Variants in TRAP1 observed in about 807,000 individuals in gnomAD.
TRAP1 encodes the protein TNF receptor associated protein 1, also known as heat shock protein 75 kDa, mitochondrial.
A neutral mutation model predicts 89.1 loss-of-function variants in TRAP1; 102 were observed. That is an observed-to-expected ratio of 1.15 (90% CI 0.98 to 1.35). TRAP1 has a LOEUF of 1.35. TRAP1 is among the 40% of genes most tolerant of loss of function. The probability of loss-of-function intolerance (pLI) is 0.00; values close to 1 mark genes in which losing one functional copy is unlikely to be tolerated. For missense variants in TRAP1, 1,256 were observed against 945.3 expected (o/e 1.33, Z -4.31); for synonymous variants, 508 against 388.0 (o/e 1.31, Z -3.64).
At position 3,698,736 on chromosome 16, in the gene TRAP1, A is replaced by G. The variant is rs568394879; in HGVS notation, c.89-7751T>C. On this transcript the variant is annotated intron_variant, in intron 1 of 17. Coordinates refer to ENST00000246957, the MANE Select transcript of TRAP1 (RefSeq NM_016292.3). ...AGCCTGGGTAACATGGCAAAACCCCATCTCTACAAAAAAACAGCCAGGTGT... is the reference window on the plus strand; with the variant it reads ...AGCCTGGGTAACATGGCAAAACCCCGTCTCTACAAAAAAACAGCCAGGTGT... 6.6e-5 allele frequency among the ~76,000 whole-genome samples: 10 copies of G among 152,162 alleles called. No homozygotes were observed. In the South Asian group the frequency reaches 1.0e-3, roughly 16 times the overall value.
In TRAP1 at chr16:3,671,797, A is replaced by C. The variant is rs1410931933; in HGVS notation, c.1166-6T>G. On this transcript the variant is annotated splice_region_variant and splice_polypyrimidine_tract_variant and intron_variant, in intron 10 of 17. Coordinates refer to ENST00000246957, the MANE Select transcript of TRAP1 (RefSeq NM_016292.3). ...GTCCTCACTGTCCACCACACCTGGGAGACACGGCAGTCAGCTTCTCCCGGG... is the reference window on the plus strand; with the variant it reads ...GTCCTCACTGTCCACCACACCTGGGCGACACGGCAGTCAGCTTCTCCCGGG... The C allele has an allele frequency of 9.9e-6, 16 of 1,611,388 alleles. No homozygotes were observed. The highest frequency in any genetic ancestry group is 1.3e-5 in the Non-Finnish European group (15 of 1,179,940).
Position 3,708,847 on chromosome 16 carries a change from G to C in TRAP1, c.88+8574C>G, listed in dbSNP as rs563305459. 2.1e-5 allele frequency among the ~76,000 whole-genome samples: 3 copies of C among 140,202 alleles called. No individual in the cohort carries two copies. The Admixed American group carries it at 2.2e-4, about 10-fold the overall frequency. 92.0% of individuals were successfully genotyped at this position (140,202 alleles called of 152,430 possible). On this transcript the variant is annotated intron_variant, in intron 1 of 17. Transcript: ENST00000246957. ...TTTTTTTTTTTTGAGATGGAGTTTT[G>C]CTCTGTTGCCGAGGCTGGAGTGCAG...
At chr16:3,697,445 A>G (rs1183981262) in intron 1 of TRAP1, among the ~76,000 whole-genome samples, 5 of 152,018 alleles carry the variant, frequency 3.3e-5, no homozygotes, top group Non-Finnish European at 7.4e-5. Context: ...CGGGAGGATC[A>G]CGAGGTCAGG....
Position 3,658,798 on chromosome 16 carries a change from C to G in TRAP1, c.2008G>C (p.Asp670His), listed in dbSNP as rs551502208. ...SEPGLAQLLV[D>H]QIYENAMIAA... ...TCCTAAGCTGCTGCACTCACCTGAT[C>G]CACCAGCAGCTGAGCCAGGCCAGGC... The change falls in exon 17 of 18, where the codon GAT becomes CAT. Residue 670 changes from aspartate (D) to histidine (H), a missense_variant. Asp to His is a moderately conservative substitution (Grantham distance 81). Transcript: ENST00000246957. 3.1e-6 allele frequency: 5 copies of G among 1,613,676 alleles called. No individual in the cohort carries two copies. The Admixed American group carries it at 6.7e-5, about 22-fold the overall frequency.
At position 3,658,519 on chromosome 16, in the gene TRAP1, C is replaced by G. The variant is rs2042857540; in HGVS notation, c.2013+274G>C. The G allele has an allele frequency of 6.8e-5, 39 of 569,424 alleles. 2 individuals carry two copies. In the South Asian group the frequency reaches 8.3e-4, roughly 12 times the overall value. 35.3% of individuals were successfully genotyped at this position (569,424 alleles called of 1,614,324 possible). The stretch of plus-strand genomic sequence containing the variant: ...CAAGATGGTGAAAACCCCATCTCTA[C>G]TAAAATACAAAATTAGCCAGGCGCA... On this transcript the variant is annotated intron_variant, in intron 17 of 17. Transcript: ENST00000246957.
intron 4 of TRAP1, among the ~76,000 whole-genome samples, chr16:3,683,446 C>T (rs1327033046): frequency 3.4e-5 from 5 of 149,086 alleles, no homozygotes; most frequent in South Asian, 2.1e-4. Context: ...AGTGCAATGG[C>T]GCGATCTCAG....
chr16:3,664,452 A>G lies in TRAP1; in HGVS notation c.1391T>C (p.Ile464Thr), dbSNP rs1374384333. Residue 464 changes from isoleucine (I) to threonine (T), a missense_variant, in exon 13 of 18, where the codon ATA becomes ACA. By Grantham distance (89) the Ile-to-Thr change is moderately conservative. Coordinates refer to ENST00000246957, the MANE Select transcript of TRAP1 (RefSeq NM_016292.3). ...GGACTCGTAGCGCAGCAGCTTTGCT[A>G]TGTCCTCCTAGAAGGGACGGGGCAG... ...TATEQEVKED[I>T]AKLLRYESSA... 1.4e-5 allele frequency: 23 copies of G among 1,609,914 alleles called. No homozygotes were observed. The Admixed American group carries it at 2.7e-4, about 19-fold the overall frequency.
intron 2 of TRAP1, 47 bp downstream of exon 2, chr16:3,690,780 C>G (rs778466194): frequency 2.2e-6 from 3 of 1,347,114 alleles, no homozygotes; most frequent in Non-Finnish European, 2.9e-6. Context: ...TTACGCACAG[C>G]AGTGAACCAA....
intron 11 of TRAP1, 31 bp downstream of exon 11, chr16:3,671,691 C>T: frequency 2.5e-6 from 4 of 1,608,048 alleles, no homozygotes; most frequent in Non-Finnish European, 2.5e-6. Context: ...TTGTCCCCAG[C>T]AGGGTCCTCT....
chr16:3,685,930 A>G (rs2051132297), intron 4 of TRAP1, 66 bp downstream of exon 4: 3 of 1,569,124 alleles, frequency 1.9e-6, no homozygotes, highest in African/African-American at 2.7e-5. Flanking sequence ...AGACATCACT[A>G]GAAGGCGGAT....
intron 4 of TRAP1, among the ~76,000 whole-genome samples, chr16:3,682,840 C>G (rs1372555145): frequency 6.6e-6 from 1 of 151,878 alleles, no homozygotes. Context: ...AACCTGGAGA[C>G]GGAAGAAGAT....
Position 3,680,723 on chromosome 16 carries a change from G to A in TRAP1, c.472-933C>T, listed in dbSNP as rs552884402. ...CCAAGGGGATGGCACTGGGAGGGGG[G>A]CCTTGGGGAGGTGATCAAGTCACGA... On this transcript the variant is annotated intron_variant, in intron 4 of 17. Coordinates refer to ENST00000246957, the MANE Select transcript of TRAP1 (RefSeq NM_016292.3). 3.3e-5 allele frequency among the ~76,000 whole-genome samples: 5 copies of A among 152,320 alleles called. No homozygotes were observed. In the East Asian group the frequency reaches 5.8e-4, roughly 18 times the overall value.
At chr16:3,659,652 C>G (rs1375949231) in intron 16 of TRAP1, 1 of 152,088 alleles carries the variant, frequency 6.6e-6, no homozygotes, top group Non-Finnish European at 1.5e-5. Context: ...TACAACCTCT[C>G]CAGAGGACAA....
In TRAP1 at chr16:3,717,444, G is replaced by C. The variant is rs758384182; in HGVS notation, c.65C>G (p.Pro22Arg). Residue 22 changes from proline to arginine, a missense_variant, in exon 1 of 18, where the codon CCG becomes CGG. Coordinates refer to ENST00000246957, the MANE Select transcript of TRAP1 (RefSeq NM_016292.3). The part of the protein sequence containing the change: ...GRRLRPLLRA[P>R]ALAAVPGGKP... ...ACCTCCCGGCACGGCCGCCAGCGCC[G>C]GCGCCCGCAGCAAAGGCCGCAGGCG... 177 of 1,273,880 alleles carry C rather than the reference G, an allele frequency of 1.4e-4. No homozygotes were observed. Among genetic ancestry groups the C allele is most frequent in the South Asian group, 3.7e-4 (13 of 35,462 alleles). 78.9% of individuals were successfully genotyped at this position (1,273,880 alleles called of 1,614,324 possible).
intron 3 of TRAP1, among the ~76,000 whole-genome samples, chr16:3,688,168 CG>C (rs1266707933): frequency 1.1e-4 from 17 of 151,364 alleles, no homozygotes; most frequent in African/African-American, 3.7e-4. Flanking sequence ...ATGAGTTTTG[CG>C]GGGTTTTTTT....
chr16:3,687,401 C>T (rs2051152104), intron 3 of TRAP1: 1 of 152,234 alleles, frequency 6.6e-6, no homozygotes, highest in Non-Finnish European at 1.5e-5. Flanking sequence ...TCAGGTATGT[C>T]TTTATCAGCA....
chr16:3,702,878 A>G (rs1373278197), intron 1 of TRAP1, among the ~76,000 whole-genome samples: 1 of 151,422 alleles, frequency 6.6e-6, no homozygotes, highest in African/African-American at 2.4e-5. Flanking sequence ...CTCCATCTCT[A>G]CTAAAAATAC....
At chr16:3,658,904 C>T (rs1019316671) in intron 16 of TRAP1, 39 bp from the exon 17 acceptor site, 1 of 1,601,168 alleles carries the variant, frequency 6.2e-7, no homozygotes, top group African/African-American at 1.3e-5. Context: ...AGCTCAGTAC[C>T]ACGTGCTGTG....
chr16:3,696,728 T>G (rs895211813), intron 1 of TRAP1, among the ~76,000 whole-genome samples: 2 of 151,490 alleles, frequency 1.3e-5, no homozygotes, highest in African/African-American at 4.9e-5. Context: ...TAGCTAATTT[T>G]TTTTTTCTTT....
Sources: gnomAD v4.1 joint callset for allele counts (sites outside exome capture counted in the v4.1 genomes callset) on GRCh38, gnomAD v4.1.1 for gene constraint, MANE v1.5 for transcripts, NCBI Gene and HGNC (gene_info 2026-07-23, HGNC 2026-07-21) for gene names.